Variants in OSBPL3 observed in about 807,000 individuals in gnomAD.
OSBPL3 encodes the protein oxysterol-binding protein-related protein 3.
Under a neutral mutation model 120.1 loss-of-function variants are expected in OSBPL3, and 65 were observed. That is an observed-to-expected ratio of 0.54 (90% CI 0.44 to 0.67). OSBPL3 has a LOEUF of 0.67. Among genes scored for constraint, OSBPL3 ranks in the 30% least tolerant of loss-of-function variants. The probability of loss-of-function intolerance (pLI) is 0.00; values close to 1 mark genes in which losing one functional copy is unlikely to be tolerated. For missense variants in OSBPL3, 1,004 were observed against 1,082.1 expected (o/e 0.93, Z 1.01); for synonymous variants, 416 against 402.6 (o/e 1.03, Z -0.40).
At chr7:24,903,053 A>G (rs928220032) in intron 1 of OSBPL3, among the ~76,000 whole-genome samples, 3 of 152,240 alleles carry the variant, frequency 2.0e-5, no homozygotes, top group East Asian at 1.9e-4. Context: ...GTTAGACAGT[A>G]AGACAAGGTG....
Position 24,834,633 on chromosome 7 carries a change from C to A in OSBPL3, c.1599G>T (p.Arg533Ser). Residue 533 changes from arginine (R) to serine (S), a missense_variant, in exon 15 of 23, where the codon AGG becomes AGT. Arg to Ser is a moderately radical substitution (Grantham distance 110). Around this residue, in one of 4 missense-constraint regions of OSBPL3, gnomAD observed 473 missense variants for 568.0 expected, o/e 0.83. Transcript: ENST00000313367. The surrounding 1 kb of genome is among the most constrained non-coding windows in gnomAD (Gnocchi z 5.2). The stretch of plus-strand genomic sequence containing the variant: ...TGGACAGGTCCTTCCCGATGTTGTT[C>A]CTCAGGATGTTCCACAGGCTGATGT... ...SSNISLWNIL[R>S]NNIGKDLSKV... 1 of 1,614,212 alleles carries A rather than the reference C, an allele frequency of 6.2e-7. No homozygotes were observed. Among genetic ancestry groups the A allele is most frequent in the Non-Finnish European group, 8.5e-7 (1 of 1,180,024 alleles).
chr7:24,945,567 G>A (rs968593223), intron 1 of OSBPL3, among the ~76,000 whole-genome samples: 2 of 152,226 alleles, frequency 1.3e-5, no homozygotes, highest in African/African-American at 4.8e-5. Flanking sequence ...TGAACACAAT[G>A]ATTCCAAATG....
At chr7:24,973,885 A>G (rs1293866782) in intron 1 of OSBPL3, among the ~76,000 whole-genome samples, 1 of 152,226 alleles carries the variant, frequency 6.6e-6, no homozygotes, top group East Asian at 1.9e-4. Context: ...AACATGTACA[A>G]AAGTATAGCA....
At chr7:24,961,544 A>G (rs1410069568) in intron 1 of OSBPL3, among the ~76,000 whole-genome samples, 2 of 152,188 alleles carry the variant, frequency 1.3e-5, no homozygotes, top group Non-Finnish European at 2.9e-5. Context: ...AAAAGCTCCC[A>G]GAGAGCTGCC....
At chr7:24,903,450 C>T (rs535996109) in intron 1 of OSBPL3, among the ~76,000 whole-genome samples, 5 of 152,310 alleles carry the variant, frequency 3.3e-5, no homozygotes, top group Admixed American at 6.5e-5. Context: ...CCTGGGAGAG[C>T]GCACTTGCAG....
chr7:24,944,165 G>A lies in OSBPL3; in HGVS notation c.-150+35721C>T, dbSNP rs79129898. On this transcript the variant is annotated intron_variant, in intron 1 of 22. Transcript: ENST00000313367. The stretch of plus-strand genomic sequence containing the variant: ...GTTATCTTGACTTGAAGAGATTACT[G>A]GATTCTTCATATTCTAAAATAAGAT... Among the ~76,000 whole-genome samples, 5 of 151,936 alleles carry A rather than the reference G, an allele frequency of 3.3e-5. No individual in the cohort carries two copies. In the East Asian group the frequency reaches 7.7e-4, roughly 23 times the overall value.
chr7:24,970,252 G>A (rs375422686), intron 1 of OSBPL3, among the ~76,000 whole-genome samples: 2 of 151,764 alleles, frequency 1.3e-5, no homozygotes, highest in East Asian at 3.9e-4. Flanking sequence ...GATTACAGGT[G>A]CCCACCATCA....
At chr7:24,884,792 C>T (rs1275854989) in intron 2 of OSBPL3, among the ~76,000 whole-genome samples, 3 of 152,130 alleles carry the variant, frequency 2.0e-5, no homozygotes, top group African/African-American at 4.8e-5. Flanking sequence ...AAACACTGGC[C>T]ATCTGGCTCC....
Position 24,808,222 on chromosome 7 carries a change from C to T in OSBPL3, c.2318-1320G>A, listed in dbSNP as rs1317739452. Among the ~76,000 whole-genome samples the T allele has an allele frequency of 1.3e-5, 2 of 152,092 alleles. No homozygotes were observed. The highest frequency in any genetic ancestry group is 2.9e-5 in the Non-Finnish European group (2 of 68,002). ...GACTGGGACCCATTTTTTGAATCTT[C>T]ATAAGTCCTCCTTGTAACTAGTCTA... On this transcript the variant is annotated intron_variant, in intron 20 of 22. Transcript: ENST00000313367. This position sits in a 1 kb window ranked among gnomAD's most constrained non-coding sequence, Gnocchi z 4.6.
chr7:24,810,144 G>A, intron 19 of OSBPL3, 193 bp from the exon 20 acceptor site: 1 of 575,674 alleles, frequency 1.7e-6, no homozygotes, highest in African/African-American at 1.9e-5. Context: ...ACAACATAGT[G>A]TCTTGAAACA....
intron 1 of OSBPL3, among the ~76,000 whole-genome samples, chr7:24,923,561 G>A (rs1241616357): frequency 1.3e-5 from 2 of 152,190 alleles, no homozygotes; most frequent in African/African-American, 4.8e-5. Flanking sequence ...TGGGACGGCA[G>A]GGCAGAGAGA....
At chr7:24,811,132 T>A (rs1274390383) in intron 19 of OSBPL3, among the ~76,000 whole-genome samples, 2 of 152,250 alleles carry the variant, frequency 1.3e-5, no homozygotes, top group African/African-American at 4.8e-5. Context: ...CTGTGCTAAT[T>A]TACATTTCCA....
rs1808962413 is a variant in OSBPL3 at position 24,912,455 on chromosome 7, G to A, written c.-149-19834C>T. On this transcript the variant is annotated intron_variant, in intron 1 of 22. Coordinates refer to ENST00000313367, the MANE Select transcript of OSBPL3 (RefSeq NM_015550.4). This position sits in a 1 kb window ranked among gnomAD's most constrained non-coding sequence, Gnocchi z 4.5. ...CTGCAGACATCCATTGATTTAGGGA[G>A]TTTAGCACATTAAGGGCATTCTAAT... Among the ~76,000 whole-genome samples the A allele has an allele frequency of 1.3e-5, 2 of 152,130 alleles. No individual in the cohort carries two copies. Among genetic ancestry groups the A allele is most frequent in the African/African-American group, 4.8e-5 (2 of 41,426 alleles).
chr7:24,900,694 G>T lies in OSBPL3; in HGVS notation c.-149-8073C>A, dbSNP rs900863990. ...AAAAGACAGAGTTGGCTGGCCAGGC[G>T]TGGTGGCTCATGCCTGTAATCCCAG... On this transcript the variant is annotated intron_variant, in intron 1 of 22. Coordinates refer to ENST00000313367, the MANE Select transcript of OSBPL3 (RefSeq NM_015550.4). The surrounding 1 kb of genome is among the most constrained non-coding windows in gnomAD (Gnocchi z 4.5). Among the ~76,000 whole-genome samples the T allele has an allele frequency of 6.6e-6, 1 of 152,206 alleles. No individual in the cohort carries two copies. The highest frequency in any genetic ancestry group is 1.9e-4 in the East Asian group (1 of 5,202).
In OSBPL3 at chr7:24,866,035, G is replaced by A. The variant is rs78794243; in HGVS notation, c.549+35C>T. On this transcript the variant is annotated intron_variant, in intron 6 of 22. Coordinates refer to ENST00000313367, the MANE Select transcript of OSBPL3 (RefSeq NM_015550.4). ...GGACTCCATGAAACAAAGCCACCCC[G>A]TTCTCAGATTCATTATTGGCAAAAC... is the stretch of plus-strand genomic sequence containing the variant. The A allele has an allele frequency of 1.4e-3, 2,232 of 1,575,406 alleles. 22 individuals are homozygous for A. The African/African-American group carries it at 0.018, about 13-fold the overall frequency.
Position 24,912,082 on chromosome 7 carries a change from T to C in OSBPL3, c.-149-19461A>G, listed in dbSNP as rs1808901952. On this transcript the variant is annotated intron_variant, in intron 1 of 22. Coordinates refer to ENST00000313367, the MANE Select transcript of OSBPL3 (RefSeq NM_015550.4). This position sits in a 1 kb window ranked among gnomAD's most constrained non-coding sequence, Gnocchi z 4.5. ...TTGACACGGTAGGTAGTAGGTTATT[T>C]GTTTATCAAATTGATAACCTGTGTT... Among the ~76,000 whole-genome samples, 1 of 152,230 alleles carries C rather than the reference T, an allele frequency of 6.6e-6. No individual in the cohort carries two copies. Among genetic ancestry groups the C allele is most frequent in the African/African-American group, 2.4e-5 (1 of 41,464 alleles).
chr7:24,957,005 A>T (rs969630360), intron 1 of OSBPL3, among the ~76,000 whole-genome samples: 3 of 152,160 alleles, frequency 2.0e-5, no homozygotes, highest in Non-Finnish European at 4.4e-5. Context: ...CATCAGTATA[A>T]CTAGAATAAG....
chr7:24,883,057 G>T lies in OSBPL3; in HGVS notation c.96+9320C>A, dbSNP rs1350895799. ...TTCACTGTTTTCCTTTTGCTGTGCA[G>T]AAACTTTTTAGTTTAATTAAGTAGG... On this transcript the variant is annotated intron_variant, in intron 2 of 22. Coordinates refer to ENST00000313367, the MANE Select transcript of OSBPL3 (RefSeq NM_015550.4). The surrounding 1 kb of genome is among the most constrained non-coding windows in gnomAD (Gnocchi z 5.4). Among the ~76,000 whole-genome samples the T allele has an allele frequency of 1.3e-5, 2 of 152,144 alleles. No individual in the cohort carries two copies. The highest frequency in any genetic ancestry group is 6.5e-5 in the Admixed American group (1 of 15,286).
At chr7:24,976,358 A>T (rs972078845) in intron 1 of OSBPL3, among the ~76,000 whole-genome samples, 2 of 152,198 alleles carry the variant, frequency 1.3e-5, no homozygotes, top group Admixed American at 6.5e-5. Context: ...TTACCTGACC[A>T]TGGAAAAAAC....
Sources: allele counts gnomAD v4.1 joint callset (sites outside exome capture counted in the v4.1 genomes callset), GRCh38; gene constraint gnomAD v4.1.1; regional missense constraint gnomAD v4.1.1; non-coding constraint Gnocchi (gnomAD v3.1); transcripts MANE v1.5; gene names NCBI Gene and HGNC (gene_info 2026-07-23, HGNC 2026-07-21).